The following CSMD1 variants were observed in gnomAD, a reference collection of about 807,000 sequenced individuals.
The protein encoded by CSMD1 is CUB and Sushi multiple domains 1.
Under a neutral mutation model 417.5 loss-of-function variants are expected in CSMD1, and 213 were observed. The observed-to-expected ratio is 0.51, with a 90% confidence interval of 0.46 to 0.57. The LOEUF (loss-of-function observed/expected upper bound fraction) is 0.57. CSMD1 is among the 20% of genes least tolerant of loss of function. CSMD1 has a pLI of 0.00. For missense variants in CSMD1, 6,923 were observed against 4,529.7 expected, an observed-to-expected ratio of 1.53 and a Z score of -15.17; for synonymous variants, 2,862 against 1,736.8, an observed-to-expected ratio of 1.65 and a Z score of -16.11.
intron 17 of CSMD1, among the ~76,000 whole-genome samples, chr8:3,390,547 C>A (rs1211593402): frequency 1.3e-5 from 2 of 151,968 alleles, no homozygotes; most frequent in African/African-American, 4.8e-5. Context: ...GAAATACAGA[C>A]CACCGGACTT....
At chr8:4,236,927 A>G (rs999973183) in intron 3 of CSMD1, among the ~76,000 whole-genome samples, 24 of 152,242 alleles carry the variant, frequency 1.6e-4, no homozygotes, top group Admixed American at 1.6e-3. Flanking sequence ...AATTGTAATC[A>G]GAAACAAGTT....
At chr8:3,945,319 T>C (rs1019396103) in intron 5 of CSMD1, among the ~76,000 whole-genome samples, 9 of 152,132 alleles carry the variant, frequency 5.9e-5, no homozygotes, top group South Asian at 2.1e-4. Context: ...AATTAACTTA[T>C]ACTTAAAATT....
At chr8:4,411,442 T>G (rs187864567) in intron 3 of CSMD1, among the ~76,000 whole-genome samples, 39 of 152,298 alleles carry the variant, frequency 2.6e-4, no homozygotes, top group Non-Finnish European at 4.9e-4. Flanking sequence ...GACTTTTAAT[T>G]ACTTGGTTCT....
At chr8:4,578,390 A>G (rs865852512) in intron 2 of CSMD1, among the ~76,000 whole-genome samples, 13 of 129,794 alleles carry the variant, frequency 1.0e-4, no homozygotes, top group African/African-American at 3.6e-4. Context: ...CGTGTTAGCC[A>G]GGATGTTCTC....
intron 6 of CSMD1, among the ~76,000 whole-genome samples, chr8:3,709,685 T>TTTTTTTTTTTTTTTTTTG (rs1801391234): frequency 9.1e-6 from 1 of 110,152 alleles, no homozygotes; most frequent in Non-Finnish European, 2.0e-5. Context: ...AGCATGTTTT[T>TTTTTTTTTTTTTTTTTTG]TTTTTTTTTT....
At chr8:3,706,930 T>G (rs920152496) in intron 7 of CSMD1, among the ~76,000 whole-genome samples, 1 of 152,176 alleles carries the variant, frequency 6.6e-6, no homozygotes, top group Non-Finnish European at 1.5e-5. Flanking sequence ...CAATCTAATT[T>G]CATTAAAGGG....
intron 4 of CSMD1, among the ~76,000 whole-genome samples, chr8:4,008,613 T>C (rs1421717468): frequency 4.5e-5 from 6 of 133,242 alleles, no homozygotes; most frequent in Admixed American, 7.5e-5. Flanking sequence ...TTTTTTTTTT[T>C]TTTTTTTTTT....
rs140071282 is a variant in CSMD1 at position 4,204,889 on chromosome 8, G to A, written c.416-172790C>T. On this transcript the variant is annotated intron_variant, in intron 3 of 69. Transcript: ENST00000635120. ...TTCCCCAGGCTGGTCCTGAACTCCTGTCCTCAAAGATCCTCCCATCTCAGC... is the reference window on the plus strand; with the variant it reads ...TTCCCCAGGCTGGTCCTGAACTCCTATCCTCAAAGATCCTCCCATCTCAGC... 2.4e-3 allele frequency among the ~76,000 whole-genome samples: 371 copies of A among 152,188 alleles called. 2 individuals carry two copies. Among genetic ancestry groups the A allele is most frequent in the African/African-American group, 8.2e-3 (340 of 41,524 alleles).
intron 5 of CSMD1, among the ~76,000 whole-genome samples, chr8:3,873,525 G>C (rs1041190986): frequency 1.3e-5 from 2 of 151,940 alleles, no homozygotes; most frequent in African/African-American, 4.8e-5. Context: ...GACACATAAA[G>C]GGAAAAACAG....
At chr8:3,071,990 C>T (rs1563306548) in intron 49 of CSMD1, among the ~76,000 whole-genome samples, 1 of 152,100 alleles carries the variant, frequency 6.6e-6, no homozygotes, top group Non-Finnish European at 1.5e-5. Flanking sequence ...ATGTATAATC[C>T]ACTGGTCTAT....
chr8:3,352,623 T>G (rs967644302), intron 21 of CSMD1, among the ~76,000 whole-genome samples: 1 of 152,296 alleles, frequency 6.6e-6, no homozygotes, highest in Non-Finnish European at 1.5e-5. Flanking sequence ...GCAGATCACC[T>G]GAAGTCAGGA....
chr8:4,707,886 CAAAAAA>C (rs552510236), intron 1 of CSMD1, among the ~76,000 whole-genome samples: 23 of 100,824 alleles, frequency 2.3e-4, no homozygotes, highest in African/African-American at 6.1e-4. Flanking sequence ...GACTTTGTTT[CAAAAAA>C]AAAAAAAAAA....
chr8:3,866,398 A>G (rs1805107788), intron 5 of CSMD1, among the ~76,000 whole-genome samples: 1 of 152,220 alleles, frequency 6.6e-6, no homozygotes, highest in South Asian at 2.1e-4. Context: ...TGCTTAGCTC[A>G]TATGGTTTAG....
At position 4,138,023 on chromosome 8, in the gene CSMD1, G is replaced by T. The variant is rs972827618; in HGVS notation, c.416-105924C>A. Among the ~76,000 whole-genome samples, 8 of 139,884 alleles carry T rather than the reference G, an allele frequency of 5.7e-5. 1 individual carries two copies. Among genetic ancestry groups the T allele is most frequent in the East Asian group, 2.1e-4 (1 of 4,828 alleles). The allele number at this position is 139,884 out of a possible 152,430, so 91.8% of individuals were successfully genotyped here. A position where few individuals can be genotyped will look rare whatever the true frequency, so the allele number is the denominator to read the frequency against. On this transcript the variant is annotated intron_variant, in intron 3 of 69. Transcript: ENST00000635120. ...CTCCAGAGTAGCTGCGACTAGAGGCGCCCGCCACCATGCCCGGCTAATTTT... is the reference window on the plus strand; with the variant it reads ...CTCCAGAGTAGCTGCGACTAGAGGCTCCCGCCACCATGCCCGGCTAATTTT...
chr8:3,764,747 T>C (rs1385633787), intron 5 of CSMD1, among the ~76,000 whole-genome samples: 1 of 150,770 alleles, frequency 6.6e-6, no homozygotes, highest in Non-Finnish European at 1.5e-5. Context: ...TTCTTTTTTT[T>C]TTTTTTTTTT....
At chr8:3,910,646 A>G (rs1410337594) in intron 5 of CSMD1, among the ~76,000 whole-genome samples, 2 of 152,210 alleles carry the variant, frequency 1.3e-5, no homozygotes, top group African/African-American at 4.8e-5. Flanking sequence ...GCTTAATAAG[A>G]AAACAGACTG....
chr8:4,725,144 T>C (rs898662477), intron 1 of CSMD1, among the ~76,000 whole-genome samples: 1 of 152,274 alleles, frequency 6.6e-6, no homozygotes, highest in East Asian at 1.9e-4. Flanking sequence ...ATTATAAAAG[T>C]GTACCTTTTA....
intron 11 of CSMD1, among the ~76,000 whole-genome samples, chr8:3,469,402 T>G (rs943360548): frequency 1.3e-5 from 2 of 152,154 alleles, no homozygotes; most frequent in Non-Finnish European, 2.9e-5. Context: ...ATAGCTGAAA[T>G]AGATTTGGCA....
chr8:3,674,887 G>C (rs1172069581), intron 7 of CSMD1, among the ~76,000 whole-genome samples: 1 of 152,172 alleles, frequency 6.6e-6, no homozygotes, highest in Non-Finnish European at 1.5e-5. Context: ...GACAACGTAA[G>C]ACTTGTTTAT....
Sources: allele counts gnomAD v4.1 joint callset (sites outside exome capture counted in the v4.1 genomes callset), GRCh38; gene constraint gnomAD v4.1.1; transcripts MANE v1.5; gene names NCBI Gene and HGNC (gene_info 2026-07-23, HGNC 2026-07-21).